Variants in DCLK2 observed in about 807,000 individuals in gnomAD.
The protein encoded by DCLK2 is doublecortin like kinase 2.
In DCLK2, 31 loss-of-function variants were observed where a neutral mutation model predicts 78.4. The observed-to-expected ratio is 0.40, with a 90% CI of 0.30 to 0.53. The LOEUF is 0.53. Ranked by LOEUF, DCLK2 falls within the 20% of genes least tolerant of loss-of-function variation. DCLK2 has a pLI of 0.61. For missense variants in DCLK2, 872 were observed against 973.7 expected (o/e 0.90, Z 1.39); for synonymous variants, 407 against 374.9 (o/e 1.09, Z -0.99).
At chr4:150,122,051 A>G (rs962196814) in intron 2 of DCLK2, among the ~76,000 whole-genome samples, 3 of 152,198 alleles carry the variant, frequency 2.0e-5, no homozygotes, top group Admixed American at 6.5e-5. Flanking sequence ...GATTTACTAT[A>G]ATTCTTAAAG....
chr4:150,096,759 G>A (rs1033089904), intron 1 of DCLK2, among the ~76,000 whole-genome samples: 6 of 152,198 alleles, frequency 3.9e-5, no homozygotes, highest in East Asian at 1.9e-4. Context: ...GAACTGGGGC[G>A]AGCCACATTT....
At chr4:150,135,004 G>A (rs1343318163) in intron 2 of DCLK2, among the ~76,000 whole-genome samples, 1 of 152,132 alleles carries the variant, frequency 6.6e-6, no homozygotes, top group African/African-American at 2.4e-5. Context: ...AAGTAAGAAT[G>A]TTTGCTATGA....
chr4:150,102,574 C>T lies in DCLK2; in HGVS notation c.518C>T (p.Thr173Ile). 1 of 1,614,164 alleles carries T rather than the reference C, an allele frequency of 6.2e-7. No individual in the cohort carries two copies. The highest frequency in any genetic ancestry group is 8.5e-7 in the Non-Finnish European group (1 of 1,180,026). ...TGGTCTGTGAACATCAAGGGTGGGA[C>T]ATCCCGAGCGCTGGCTGCTGCCTCC... ...PNWSVNIKGG[T>I]SRALAAASSV... The change falls in exon 2 of 16, where the codon ACA becomes ATA. Residue 173 changes from threonine to isoleucine, a missense_variant. By Grantham distance (89) the Thr-to-Ile change is moderately conservative (BLOSUM62 -1). Coordinates refer to ENST00000296550, the MANE Select transcript of DCLK2 (RefSeq NM_001040260.4).
chr4:150,234,163 TC>T (rs1430435825), intron 10 of DCLK2, among the ~76,000 whole-genome samples: 2 of 152,314 alleles, frequency 1.3e-5, no homozygotes, highest in African/African-American at 4.8e-5. Flanking sequence ...CGTCCTCTCT[TC>T]CAGCATTGTG....
rs772922894 is a variant in DCLK2, at chr4:150,249,549, ATTGT to A, written c.1957-16_1957-13del. The A allele has an allele frequency of 4.4e-6, 7 of 1,603,412 alleles. No homozygotes were observed. The highest frequency in any genetic ancestry group is 6.0e-6 in the Non-Finnish European group (7 of 1,170,736). ...GAGGATGGAAAAAGCATTGTATTTG[ATTGT>A]TTTCTTTCCTGTAGGATGATGCCTC... On this transcript the variant is annotated splice_polypyrimidine_tract_variant and intron_variant, in intron 14 of 15. Transcript: ENST00000296550.
chr4:150,090,823 G>T (rs1004231865), intron 1 of DCLK2, among the ~76,000 whole-genome samples: 7 of 152,186 alleles, frequency 4.6e-5, no homozygotes, highest in African/African-American at 1.7e-4. Flanking sequence ...GAGATGATTT[G>T]GTTCAGTCAC....
chr4:150,250,698 C>G (rs1357375288), intron 15 of DCLK2, among the ~76,000 whole-genome samples: 6 of 151,776 alleles, frequency 4.0e-5, no homozygotes, highest in South Asian at 2.1e-4. Flanking sequence ...GTACTTGGGA[C>G]AGGCCTCTCA....
chr4:150,240,522 C>T, intron 12 of DCLK2, 46 bp downstream of exon 12: 2 of 1,465,230 alleles, frequency 1.4e-6, no homozygotes, highest in South Asian at 2.4e-5. Flanking sequence ...AATGTTCTCC[C>T]TTGGGTCCAG....
At chr4:150,112,825 G>A (rs76919769) in intron 2 of DCLK2, among the ~76,000 whole-genome samples, 16,227 of 99,586 alleles carry the variant, frequency 0.16, 1,399 homozygotes, top group Middle Eastern at 0.34. Flanking sequence ...CCCGCCCCCC[G>A]CCCCGGACAG....
intron 2 of DCLK2, among the ~76,000 whole-genome samples, chr4:150,180,570 T>A (rs968338153): frequency 6.6e-6 from 1 of 152,164 alleles, no homozygotes; most frequent in Non-Finnish European, 1.5e-5. Context: ...TCATGATCAT[T>A]GGACTCAATA....
intron 1 of DCLK2, among the ~76,000 whole-genome samples, chr4:150,081,621 T>A (rs1166035354): frequency 6.6e-6 from 1 of 152,148 alleles, no homozygotes; most frequent in Non-Finnish European, 1.5e-5. Context: ...TATGGAACTC[T>A]CTCTGACAAT....
chr4:150,214,692 T>C (rs991197060), intron 5 of DCLK2, among the ~76,000 whole-genome samples: 1 of 152,130 alleles, frequency 6.6e-6, no homozygotes, highest in Non-Finnish European at 1.5e-5. Flanking sequence ...CCGGGCACGA[T>C]GGCTCACACC....
chr4:150,213,833 G>A (rs1740486842), intron 5 of DCLK2, among the ~76,000 whole-genome samples: 1 of 152,172 alleles, frequency 6.6e-6, no homozygotes, highest in African/African-American at 2.4e-5. Flanking sequence ...TGGTTCAATA[G>A]CCTTGCAGGA....
At chr4:150,150,049 A>C (rs1734780447) in intron 2 of DCLK2, among the ~76,000 whole-genome samples, 1 of 152,226 alleles carries the variant, frequency 6.6e-6, no homozygotes, top group Non-Finnish European at 1.5e-5. Context: ...TGACTTCTTA[A>C]AAATGGAGGT....
At chr4:150,109,465 G>C (rs1051050897) in intron 2 of DCLK2, among the ~76,000 whole-genome samples, 1 of 151,934 alleles carries the variant, frequency 6.6e-6, no homozygotes, top group Non-Finnish European at 1.5e-5. Context: ...CTTCCGAGTA[G>C]CTGAGATTAC....
chr4:150,079,736 A>G (rs1388612131), intron 1 of DCLK2, among the ~76,000 whole-genome samples: 1 of 152,198 alleles, frequency 6.6e-6, no homozygotes, highest in African/African-American at 2.4e-5. Flanking sequence ...ACTTATTTGT[A>G]TTGAAGTGCA....
In DCLK2 at chr4:150,221,686, G is replaced by T. The variant is rs779456964; in HGVS notation, c.1142G>T (p.Gly381Val). 6.3e-7 allele frequency: 1 copy of T among 1,594,458 alleles called. No individual in the cohort carries two copies. The change falls in exon 7 of 16, where the codon GGA becomes GTA. Residue 381 changes from glycine (G) to valine (V), a missense_variant. Physicochemically the swap from Gly to Val is moderately radical, Grantham distance 109. Transcript: ENST00000296550. The stretch of plus-strand genomic sequence containing the variant: ...TTTATCCTTTTTGCAGGTGTGAATG[G>T]AAACAGATGCTCTGAATCATCAACT... ...DRCISPEGVN[G>V]NRCSESSTLL...
chr4:150,254,917 A>G (rs1048928406), intron 15 of DCLK2, among the ~76,000 whole-genome samples: 1 of 151,986 alleles, frequency 6.6e-6, no homozygotes, highest in South Asian at 2.1e-4. Context: ...ACCTCAAGTG[A>G]TCCTCCCTCC....
chr4:150,155,559 A>G (rs953234625), intron 2 of DCLK2, among the ~76,000 whole-genome samples: 59 of 152,204 alleles, frequency 3.9e-4, no homozygotes, highest in African/African-American at 1.4e-3. Flanking sequence ...GGCAGTGACC[A>G]TGGAAACGTG....
Sources: allele counts gnomAD v4.1 joint callset (sites outside exome capture counted in the v4.1 genomes callset), GRCh38; gene constraint gnomAD v4.1.1; transcripts MANE v1.5; gene names NCBI Gene and HGNC (gene_info 2026-07-23, HGNC 2026-07-21).